Variants in KCTD12 observed in about 807,000 individuals in gnomAD.
The protein encoded by KCTD12 is potassium channel tetramerization domain containing 12.
Under a neutral mutation model 22.6 loss-of-function variants are expected in KCTD12, and 16 were observed. That is an observed-to-expected ratio of 0.71 (90% CI 0.48 to 1.07). KCTD12 has a LOEUF of 1.07. Ranked by LOEUF, KCTD12 falls within the 50% of genes least tolerant of loss-of-function variation. The pLI is 0.00. For missense variants in KCTD12, 452 were observed against 469.2 expected (o/e 0.96, Z 0.34); for synonymous variants, 260 against 228.0 (o/e 1.14, Z -1.26).
rs1432254023 is a variant in KCTD12, at chr13:76,880,772, C to CA, written c.*4398dup. On this transcript the variant is annotated 3_prime_UTR_variant, in exon 1 of 1. Transcript: ENST00000377474. ...GCAAAAACAGTTGTATAATAGTTTACATTACAATTAATGTACCCATACCTC... is the reference window on the plus strand; with the variant it reads ...GCAAAAACAGTTGTATAATAGTTTACAATTACAATTAATGTACCCATACCTC... 175 of 152,578 alleles carry CA rather than the reference C, an allele frequency of 1.1e-3. No individual in the cohort carries two copies. Among genetic ancestry groups the CA allele is most frequent in the African/African-American group, 4.0e-3 (166 of 41,508 alleles). 9.5% of individuals were successfully genotyped at this position (152,578 alleles called of 1,614,324 possible).
rs766351561 is a variant in KCTD12 at position 76,885,986 on chromosome 13, C to T, written c.163G>A (p.Val55Met). Residue 55 changes from valine to methionine, a missense_variant, in exon 1 of 1, where the codon GTG (valine) becomes ATG (methionine). This residue lies in a region of KCTD12 where 330 missense variants were observed against 296.5 expected (regional missense o/e 1.11). Transcript: ENST00000377474. The surrounding 1 kb of genome is among the most constrained non-coding windows in gnomAD (Gnocchi z 5.1). ...ATGCGCCAGAGCAGCGAGTCGGGCA[C>T]CGACACCACCGTGCAGCGCCGGGTC... ...YVTRRCTVVS[V>M]PDSLLWRMFT... The T allele has an allele frequency of 6.3e-7, 1 of 1,590,078 alleles. No individual in the cohort carries two copies.
Position 76,886,294 on chromosome 13 carries a change from A to C in KCTD12, c.-146T>G. On this transcript the variant is annotated 5_prime_UTR_variant, in exon 1 of 1. Transcript: ENST00000377474. ...CGCCGCCGCCACCGCCGCCACCGCC[A>C]CCGCCGCCACCTCCTAGAGCCGCGC... 2 of 928,540 alleles carry C rather than the reference A, an allele frequency of 2.2e-6. No homozygotes were observed. Among genetic ancestry groups the C allele is most frequent in the Non-Finnish European group, 1.4e-6 (1 of 695,778 alleles). The allele number at this position is 928,540 out of a possible 1,614,324, so 57.5% of individuals were successfully genotyped here. A position where few individuals can be genotyped will look rare whatever the true frequency, so the allele number is the denominator to read the frequency against.
Position 76,884,469 on chromosome 13 carries a change from T to C in KCTD12, c.*702A>G, listed in dbSNP as rs890251976. On this transcript the variant is annotated 3_prime_UTR_variant, in exon 1 of 1. Coordinates refer to ENST00000377474, the MANE Select transcript of KCTD12 (RefSeq NM_138444.4). ...CGGATCACTTTCTATAAGTTTAAGC[T>C]ACAGGCTGAGACCTTTTATTCTGTA... 2.6e-5 allele frequency: 4 copies of C among 152,232 alleles called. No individual in the cohort carries two copies. Among genetic ancestry groups the C allele is most frequent in the Non-Finnish European group, 5.9e-5 (4 of 68,040 alleles). 9.4% of individuals were successfully genotyped at this position (152,232 alleles called of 1,614,324 possible).
Position 76,885,589 on chromosome 13 carries a change from G to T in KCTD12, c.560C>A (p.Ser187Tyr), listed in dbSNP as rs1158829645. The change falls in exon 1 of 1, where the codon TCC (serine) becomes TAC (tyrosine). Residue 187 changes from serine (S) to tyrosine (Y), a missense_variant. Ser to Tyr is a moderately radical substitution (Grantham distance 144). Transcript: ENST00000377474. This position sits in a 1 kb window ranked among gnomAD's most constrained non-coding sequence, Gnocchi z 5.1. ...GAGCAGCGGGCCCGCCGCGCCCCCG[G>T]ACGGACTGCGGCTAGCCAGCTCCAG... ...PTLELASRSP[S>Y]GGAAGPLLTP... 6.5e-6 allele frequency: 10 copies of T among 1,537,102 alleles called. No individual in the cohort carries two copies. Among genetic ancestry groups the T allele is most frequent in the Non-Finnish European group, 8.7e-6 (10 of 1,148,170 alleles).
rs1262330737 is a variant in KCTD12 at position 76,885,092 on chromosome 13, G to A, written c.*79C>T. 8.6e-6 allele frequency: 13 copies of A among 1,505,978 alleles called. No homozygotes were observed. The highest frequency in any genetic ancestry group is 1.4e-5 in the African/African-American group (1 of 72,574). The allele number at this position is 1,505,978 out of a possible 1,614,324, so 93.3% of individuals were successfully genotyped here. A position where few individuals can be genotyped will look rare whatever the true frequency, so the allele number is the denominator to read the frequency against. On this transcript the variant is annotated 3_prime_UTR_variant, in exon 1 of 1. Transcript: ENST00000377474. The surrounding 1 kb of genome is among the most constrained non-coding windows in gnomAD (Gnocchi z 5.1). The stretch of plus-strand genomic sequence containing the variant: ...GGGAGGGCAGCAGCCAGGGGACAAA[G>A]GTGGGACAAGAGGCTCTGTAATCAT...
At position 76,884,886 on chromosome 13, in the gene KCTD12, G is replaced by A. The variant is rs1474692804; in HGVS notation, c.*285C>T. The A allele has an allele frequency of 1.5e-4, 61 of 412,278 alleles. No homozygotes were observed. Among genetic ancestry groups the A allele is most frequent in the Non-Finnish European group, 9.3e-5 (21 of 225,842 alleles). The allele number at this position is 412,278 out of a possible 1,614,324, so 25.5% of individuals were successfully genotyped here. A position where few individuals can be genotyped will look rare whatever the true frequency, so the allele number is the denominator to read the frequency against. ...ACCATCTGGGGGAGGGGTGGTTTGA[G>A]GCAGGGAGTAGAGAAAGCATGGAGT... On this transcript the variant is annotated 3_prime_UTR_variant, in exon 1 of 1. Coordinates refer to ENST00000377474, the MANE Select transcript of KCTD12 (RefSeq NM_138444.4).
rs573895832 is a variant in KCTD12, at chr13:76,884,867, T to C, written c.*304A>G. 11 of 273,904 alleles carry C rather than the reference T, an allele frequency of 4.0e-5. No homozygotes were observed. The highest frequency in any genetic ancestry group is 3.3e-4 in the African/African-American group (8 of 24,368). The allele number at this position is 273,904 out of a possible 1,614,324, so 17.0% of individuals were successfully genotyped here. ...AATAGATCCAAACTGAAGTACCATC[T>C]GGGGGAGGGGTGGTTTGAGGCAGGG... is the stretch of plus-strand genomic sequence containing the variant. On this transcript the variant is annotated 3_prime_UTR_variant, in exon 1 of 1. Transcript: ENST00000377474.
Position 76,884,170 on chromosome 13 carries a change from C to T in KCTD12, c.*1001G>A, listed in dbSNP as rs1291170234. The T allele has an allele frequency of 2.0e-5, 3 of 149,870 alleles. No individual in the cohort carries two copies. Among genetic ancestry groups the T allele is most frequent in the Admixed American group, 1.3e-4 (2 of 15,048 alleles). 9.3% of individuals were successfully genotyped at this position (149,870 alleles called of 1,614,324 possible). On this transcript the variant is annotated 3_prime_UTR_variant, in exon 1 of 1. Coordinates refer to ENST00000377474, the MANE Select transcript of KCTD12 (RefSeq NM_138444.4). ...TCCTACCCTTTCCTCCCTCCCCACC[C>T]CACCCCGCCCACCAAGTCTTACAGC...
chr13:76,882,279 GACTTTA>G lies in KCTD12; in HGVS notation c.*2886_*2891del, dbSNP rs1388884144. ...TAAAAATAGACAGTTTTCTTGTATT[GACTTTA>G]ACTTTAGAGGGGACAGTCGTCCCTG... is the stretch of plus-strand genomic sequence containing the variant. On this transcript the variant is annotated 3_prime_UTR_variant, in exon 1 of 1. Transcript: ENST00000377474. 6.6e-6 allele frequency: 1 copy of G among 151,996 alleles called. No individual in the cohort carries two copies. The highest frequency in any genetic ancestry group is 1.5e-5 in the Non-Finnish European group (1 of 67,994). 9.4% of individuals were successfully genotyped at this position (151,996 alleles called of 1,614,324 possible).
chr13:76,880,220 A>T lies in KCTD12; in HGVS notation c.*4951T>A, dbSNP rs1166469521. The T allele has an allele frequency of 6.6e-6, 1 of 152,670 alleles. No individual in the cohort carries two copies. Among genetic ancestry groups the T allele is most frequent in the Admixed American group, 6.5e-5 (1 of 15,288 alleles). The allele number at this position is 152,670 out of a possible 1,614,324, so 9.5% of individuals were successfully genotyped here. A position where few individuals can be genotyped will look rare whatever the true frequency, so the allele number is the denominator to read the frequency against. On this transcript the variant is annotated 3_prime_UTR_variant, in exon 1 of 1. Transcript: ENST00000377474. ...TTCTTTAGTGTTTAATTGAATACATAACAAGTCACATAATCAATGATTCAT... is the reference window on the plus strand; with the variant it reads ...TTCTTTAGTGTTTAATTGAATACATTACAAGTCACATAATCAATGATTCAT...
rs377739279 is a variant in KCTD12 at position 76,886,158 on chromosome 13, G to A, written c.-10C>T. 3 of 1,486,886 alleles carry A rather than the reference G, an allele frequency of 2.0e-6. No homozygotes were observed. Among genetic ancestry groups the A allele is most frequent in the Non-Finnish European group, 2.7e-6 (3 of 1,119,650 alleles). The allele number at this position is 1,486,886 out of a possible 1,614,324, so 92.1% of individuals were successfully genotyped here. A position where few individuals can be genotyped will look rare whatever the true frequency, so the allele number is the denominator to read the frequency against. On this transcript the variant is annotated 5_prime_UTR_variant, in exon 1 of 1. Transcript: ENST00000377474. ...TGTCCGCCAGAGCCATGACAGAGAGGTGGCCGGGCCGGGACAGTGGCAGGA... is the reference window on the plus strand; with the variant it reads ...TGTCCGCCAGAGCCATGACAGAGAGATGGCCGGGCCGGGACAGTGGCAGGA...
rs780595938 is a variant in KCTD12, at chr13:76,885,159, G to T, written c.*12C>A. The T allele has an allele frequency of 1.9e-6, 3 of 1,608,562 alleles. No individual in the cohort carries two copies. The South Asian group carries it at 3.3e-5, about 18-fold the overall frequency. On this transcript the variant is annotated 3_prime_UTR_variant, in exon 1 of 1. Coordinates refer to ENST00000377474, the MANE Select transcript of KCTD12 (RefSeq NM_138444.4). This position sits in a 1 kb window ranked among gnomAD's most constrained non-coding sequence, Gnocchi z 5.1. ...GGACTGGGCGCTGGAGTGGCGAGGG[G>T]GTCTGGGGAGCTCACTCCCTGCAGA...
rs2137700235 is a variant in KCTD12 at position 76,881,924 on chromosome 13, A to G, written c.*3247T>C. The stretch of plus-strand genomic sequence containing the variant: ...AGTCCAATGTCATTCACTTGTATTT[A>G]TGATCATCAAATGGTAATTAGGGCA... On this transcript the variant is annotated 3_prime_UTR_variant, in exon 1 of 1. Coordinates refer to ENST00000377474, the MANE Select transcript of KCTD12 (RefSeq NM_138444.4). 6.6e-6 allele frequency: 1 copy of G among 151,442 alleles called. No homozygotes were observed. Among genetic ancestry groups the G allele is most frequent in the Middle Eastern group, 3.4e-3 (1 of 294 alleles). The allele number at this position is 151,442 out of a possible 1,614,324, so 9.4% of individuals were successfully genotyped here.
Position 76,880,865 on chromosome 13 carries a change from T to C in KCTD12, c.*4306A>G, listed in dbSNP as rs2033195641. ...CACAAAAAATTTAAGTGACAACAAA[T>C]CTTGATTAACTAGTCCATCTTCCTA... is the stretch of plus-strand genomic sequence containing the variant. On this transcript the variant is annotated 3_prime_UTR_variant, in exon 1 of 1. Transcript: ENST00000377474. 6.6e-6 allele frequency: 1 copy of C among 152,568 alleles called. No homozygotes were observed. Among genetic ancestry groups the C allele is most frequent in the Non-Finnish European group, 1.5e-5 (1 of 68,000 alleles). The allele number at this position is 152,568 out of a possible 1,614,324, so 9.5% of individuals were successfully genotyped here.
Position 76,881,399 on chromosome 13 carries a change from G to T in KCTD12, c.*3772C>A, listed in dbSNP as rs1342515538. The T allele has an allele frequency of 6.6e-6, 1 of 152,530 alleles. No homozygotes were observed. The highest frequency in any genetic ancestry group is 1.5e-5 in the Non-Finnish European group (1 of 67,990). The allele number at this position is 152,530 out of a possible 1,614,324, so 9.4% of individuals were successfully genotyped here. A position where few individuals can be genotyped will look rare whatever the true frequency, so the allele number is the denominator to read the frequency against. ...CACAAATGAATTGAATATTGGATCA[G>T]AATTTACCCTAACTTGAAGAGTAAA... On this transcript the variant is annotated 3_prime_UTR_variant, in exon 1 of 1. Coordinates refer to ENST00000377474, the MANE Select transcript of KCTD12 (RefSeq NM_138444.4).
At position 76,885,326 on chromosome 13, in the gene KCTD12, T is replaced by G; in HGVS notation, c.823A>C (p.Asn275His). The change falls in exon 1 of 1, where the codon AAC becomes CAC. Residue 275 changes from asparagine to histidine, a missense_variant. Transcript: ENST00000377474. This position sits in a 1 kb window ranked among gnomAD's most constrained non-coding sequence, Gnocchi z 5.1. ...TTGTCGAAGGCCTGCTCCAGGAAGTTGAACTTGAGGTAATAGCGCGAGGTG... is the reference window on the plus strand; with the variant it reads ...TTGTCGAAGGCCTGCTCCAGGAAGTGGAACTTGAGGTAATAGCGCGAGGTG... The part of the protein sequence containing the change: ...RYTSRYYLKF[N>H]FLEQAFDKLS... The G allele has an allele frequency of 6.2e-7, 1 of 1,613,902 alleles. No individual in the cohort carries two copies. The highest frequency in any genetic ancestry group is 8.5e-7 in the Non-Finnish European group (1 of 1,179,932).
Position 76,881,991 on chromosome 13 carries a change from T to G in KCTD12, c.*3180A>C, listed in dbSNP as rs6732. On this transcript the variant is annotated 3_prime_UTR_variant, in exon 1 of 1. Transcript: ENST00000377474. ...GCCTCTGAATCAGATTCATGCAGTGTTAATTATCTGAATAATTTATGACAT... is the reference window on the plus strand; with the variant it reads ...GCCTCTGAATCAGATTCATGCAGTGGTAATTATCTGAATAATTTATGACAT... 1.3e-5 allele frequency: 2 copies of G among 152,110 alleles called. No individual in the cohort carries two copies. Among genetic ancestry groups the G allele is most frequent in the East Asian group, 3.9e-4 (2 of 5,192 alleles). The allele number at this position is 152,110 out of a possible 1,614,324, so 9.4% of individuals were successfully genotyped here.
At position 76,886,198 on chromosome 13, in the gene KCTD12, C is replaced by T; in HGVS notation, c.-50G>A. The T allele has an allele frequency of 7.1e-7, 1 of 1,400,396 alleles. No homozygotes were observed. The highest frequency in any genetic ancestry group is 3.0e-5 in the East Asian group (1 of 33,340). The allele number at this position is 1,400,396 out of a possible 1,614,324, so 86.7% of individuals were successfully genotyped here. A position where few individuals can be genotyped will look rare whatever the true frequency, so the allele number is the denominator to read the frequency against. ...CAGTGGCAGGAAGCCGCGCTGCACTCAGGAGCTGCAACCGCCTTCCCCGGA... is the reference window on the plus strand; with the variant it reads ...CAGTGGCAGGAAGCCGCGCTGCACTTAGGAGCTGCAACCGCCTTCCCCGGA... On this transcript the variant is annotated 5_prime_UTR_variant, in exon 1 of 1. Transcript: ENST00000377474.
Position 76,884,389 on chromosome 13 carries a change from T to G in KCTD12, c.*782A>C, listed in dbSNP as rs568206166. 1.3e-5 allele frequency: 2 copies of G among 152,182 alleles called. No homozygotes were observed. Among genetic ancestry groups the G allele is most frequent in the Non-Finnish European group, 2.9e-5 (2 of 68,036 alleles). The allele number at this position is 152,182 out of a possible 1,614,324, so 9.4% of individuals were successfully genotyped here. A position where few individuals can be genotyped will look rare whatever the true frequency, so the allele number is the denominator to read the frequency against. On this transcript the variant is annotated 3_prime_UTR_variant, in exon 1 of 1. Coordinates refer to ENST00000377474, the MANE Select transcript of KCTD12 (RefSeq NM_138444.4). ...CAGTAACTGCTGCCATGTCAACCAGTGGAATCAAGGGCTTCTGGCGAGCAG... is the reference window on the plus strand; with the variant it reads ...CAGTAACTGCTGCCATGTCAACCAGGGGAATCAAGGGCTTCTGGCGAGCAG...
Sources: gnomAD v4.1 joint callset for allele counts on GRCh38, gnomAD v4.1.1 for gene constraint, gnomAD v4.1.1 regional missense constraint, Gnocchi (gnomAD v3.1) non-coding constraint, MANE v1.5 for transcripts, NCBI Gene and HGNC (gene_info 2026-07-23, HGNC 2026-07-21) for gene names.